The following SLC35G2 variants were observed in gnomAD, a reference collection of about 807,000 sequenced individuals.
The protein encoded by SLC35G2 is transmembrane protein 22.
A neutral mutation model predicts 27.2 loss-of-function variants in SLC35G2; 20 were observed. The observed-to-expected ratio is 0.74, with a 90% CI of 0.52 to 1.07. The LOEUF is 1.07. Ranked by LOEUF, SLC35G2 falls within the 50% of genes least tolerant of loss-of-function variation. The probability of loss-of-function intolerance (pLI) is 0.00; values close to 1 mark genes in which losing one functional copy is unlikely to be tolerated. For missense variants in SLC35G2, 416 were observed against 493.3 expected (o/e 0.84, Z 1.48); for synonymous variants, 148 against 165.3 (o/e 0.90, Z 0.80).
chr3:136,838,571 TCAG>T (rs1936964974), intron 1 of SLC35G2: 1 of 152,180 alleles, frequency 6.6e-6, no homozygotes, highest in Non-Finnish European at 1.5e-5. Context: ...GTATGAAGAA[TCAG>T]TTATGATTAA....
chr3:136,830,959 C>G (rs193021915), intron 1 of SLC35G2, among the ~76,000 whole-genome samples: 2 of 152,176 alleles, frequency 1.3e-5, no homozygotes, highest in Admixed American at 6.5e-5. Flanking sequence ...CATTTTCTGA[C>G]TGCATAAAAA....
chr3:136,846,405 A>G (rs1937380273), intron 1 of SLC35G2: 1 of 152,178 alleles, frequency 6.6e-6, no homozygotes, highest in Non-Finnish European at 1.5e-5. Context: ...TGTATCCACT[A>G]TTTTTGGTGG....
intron 1 of SLC35G2, among the ~76,000 whole-genome samples, chr3:136,829,350 T>G (rs971826658): frequency 4.6e-5 from 7 of 151,930 alleles, no homozygotes; most frequent in African/African-American, 9.7e-5. Context: ...GCCTCCCAAG[T>G]AGCTGGGACT....
At chr3:136,847,311 CTA>C (rs1491041984) in intron 1 of SLC35G2, among the ~76,000 whole-genome samples, 4 of 152,196 alleles carry the variant, frequency 2.6e-5, no homozygotes, top group Non-Finnish European at 5.9e-5. Context: ...TCTGTGGACT[CTA>C]AGTCCCAAAA....
rs773154719 is a variant in SLC35G2, at chr3:136,855,336, T to C, written c.876T>C (p.Gly292=). The change falls in exon 2 of 2, where the codon GGT becomes GGC. Residue 292 remains glycine (G), a synonymous_variant. Coordinates refer to ENST00000446465, the MANE Select transcript of SLC35G2 (RefSeq NM_025246.3). Reference sequence around the variant, plus strand: ...TGTGGACTGCACTGTTTACTTTTGGTTGGACTGGGACAATTTGGGGAATAT... The same window carrying C: ...TGTGGACTGCACTGTTTACTTTTGGCTGGACTGGGACAATTTGGGGAATAT... ...ISMWTALFTF[G]WTGTIWGIST... 1 of 1,614,184 alleles carries C rather than the reference T, an allele frequency of 6.2e-7. No individual in the cohort carries two copies. The highest frequency in any genetic ancestry group is 8.5e-7 in the Non-Finnish European group (1 of 1,180,020).
At chr3:136,829,356 G>A (rs1167717495) in intron 1 of SLC35G2, among the ~76,000 whole-genome samples, 1 of 151,988 alleles carries the variant, frequency 6.6e-6, no homozygotes, top group Non-Finnish European at 1.5e-5. Flanking sequence ...CAAGTAGCTG[G>A]GACTTCAGGC....
intron 1 of SLC35G2, among the ~76,000 whole-genome samples, chr3:136,831,404 T>TA (rs761868028): frequency 2.0e-5 from 3 of 152,220 alleles, no homozygotes; most frequent in Non-Finnish European, 4.4e-5. Context: ...TGTTGAGTCT[T>TA]ACACTGAGCT....
intron 1 of SLC35G2, among the ~76,000 whole-genome samples, chr3:136,844,414 G>T (rs574242354): frequency 6.6e-6 from 1 of 151,854 alleles, no homozygotes; most frequent in Non-Finnish European, 1.5e-5. Flanking sequence ...GCTTGAACCT[G>T]GGAGGCAGAG....
chr3:136,833,525 G>T (rs551453418), intron 1 of SLC35G2, among the ~76,000 whole-genome samples: 48 of 152,216 alleles, frequency 3.2e-4, no homozygotes, highest in Non-Finnish European at 4.0e-4. Context: ...GGAAGGAGTC[G>T]GCGGGTGGGG....
At chr3:136,830,793 A>AT (rs551838926) in intron 1 of SLC35G2, among the ~76,000 whole-genome samples, 1 of 151,772 alleles carries the variant, frequency 6.6e-6, no homozygotes, top group Non-Finnish European at 1.5e-5. Flanking sequence ...AATCTCAGTA[A>AT]TTTTTTTTCT....
chr3:136,854,845 T>C lies in SLC35G2; in HGVS notation c.385T>C (p.Ser129Pro), dbSNP rs866493349. Residue 129 changes from serine (S) to proline (P), a missense_variant, in exon 2 of 2, where the codon TCT becomes CCT. Coordinates refer to ENST00000446465, the MANE Select transcript of SLC35G2 (RefSeq NM_025246.3). ...TATCACTAGGCTTGTTTCTGATCGG[T>C]CTAAAGTTCCATCTCTAGAACTGAT... ...ALITRLVSDR[S>P]KVPSLELIFI... 1.2e-6 allele frequency: 2 copies of C among 1,614,114 alleles called. No individual in the cohort carries two copies. Among genetic ancestry groups the C allele is most frequent in the African/African-American group, 2.7e-5 (2 of 74,944 alleles).
intron 1 of SLC35G2, among the ~76,000 whole-genome samples, chr3:136,830,508 C>T (rs562974224): frequency 1.3e-5 from 2 of 152,316 alleles, no homozygotes; most frequent in African/African-American, 4.8e-5. Flanking sequence ...TGGTCTCAAT[C>T]TCCTGACCTC....
intron 1 of SLC35G2, among the ~76,000 whole-genome samples, chr3:136,851,986 A>G (rs1937654919): frequency 6.6e-6 from 1 of 152,228 alleles, no homozygotes. Flanking sequence ...AAAAACAGTA[A>G]GATTAGTGAC....
intron 1 of SLC35G2, chr3:136,838,829 G>A (rs1457535039): frequency 6.6e-6 from 1 of 152,192 alleles, no homozygotes; most frequent in Non-Finnish European, 1.5e-5. Flanking sequence ...TTTAAACTCA[G>A]CTGGGCTGCT....
Position 136,855,875 on chromosome 3 carries a change from T to C in SLC35G2, c.*176T>C, listed in dbSNP as rs879091494. 1.9e-6 allele frequency: 1 copy of C among 519,732 alleles called. No homozygotes were observed. Among genetic ancestry groups the C allele is most frequent in the South Asian group, 3.1e-5 (1 of 32,064 alleles). The allele number at this position is 519,732 out of a possible 1,614,324, so 32.2% of individuals were successfully genotyped here. The stretch of plus-strand genomic sequence containing the variant: ...TATATTCAAATACAAATATTAAATA[T>C]ATGAAATACGTTATGAATCTGGTAT... On this transcript the variant is annotated 3_prime_UTR_variant, in exon 2 of 2. Coordinates refer to ENST00000446465, the MANE Select transcript of SLC35G2 (RefSeq NM_025246.3).
At chr3:136,844,847 A>G (rs1333916530) in intron 1 of SLC35G2, among the ~76,000 whole-genome samples, 1 of 151,046 alleles carries the variant, frequency 6.6e-6, no homozygotes, top group Non-Finnish European at 1.5e-5. Flanking sequence ...ACATTCTTTC[A>G]TGTACATTCA....
At position 136,819,569 on chromosome 3, in the gene SLC35G2, C is replaced by G. The variant is rs1936393611; in HGVS notation, c.-78C>G. ...GCGTGTCTGGGCCCTCCTGCAGCGTCCATGATGAAGGCCAGGGGCTGTTGC... is the reference window on the plus strand; with the variant it reads ...GCGTGTCTGGGCCCTCCTGCAGCGTGCATGATGAAGGCCAGGGGCTGTTGC... On this transcript the variant is annotated 5_prime_UTR_variant, in exon 1 of 2. Transcript: ENST00000446465. The G allele has an allele frequency of 6.6e-6, 1 of 152,238 alleles. No individual in the cohort carries two copies. 9.4% of individuals were successfully genotyped at this position (152,238 alleles called of 1,614,324 possible). A position where few individuals can be genotyped will look rare whatever the true frequency, so the allele number is the denominator to read the frequency against.
chr3:136,836,208 A>G (rs1372738472), intron 1 of SLC35G2, among the ~76,000 whole-genome samples: 2 of 152,084 alleles, frequency 1.3e-5, no homozygotes, highest in South Asian at 2.1e-4. Flanking sequence ...ATTTACTCCA[A>G]TATCTCTAGC....
rs201471005 is a variant in SLC35G2, at chr3:136,855,306, C to T, written c.846C>T (p.Ile282=). 1.9e-5 allele frequency: 31 copies of T among 1,614,070 alleles called. No homozygotes were observed. In the Middle Eastern group the frequency reaches 4.9e-4, roughly 26 times the overall value. The change falls in exon 2 of 2, where the codon ATC becomes ATT. Residue 282 remains isoleucine (I), a synonymous_variant. Transcript: ENST00000446465. ...TATACAGATCCATCAAGGAGAAGAT[C>T]AGCATGTGGACTGCACTGTTTACTT... is the stretch of plus-strand genomic sequence containing the variant. ...MIVYRSIKEK[I]SMWTALFTFG...
Sources: allele counts gnomAD v4.1 joint callset (sites outside exome capture counted in the v4.1 genomes callset), GRCh38; gene constraint gnomAD v4.1.1; transcripts MANE v1.5; gene names NCBI Gene and HGNC (gene_info 2026-07-23, HGNC 2026-07-21).